Variants in CLVS1 observed in about 807,000 individuals in gnomAD.
CLVS1 encodes clavesin 1.
A neutral mutation model predicts 33.1 loss-of-function variants in CLVS1; 10 were observed. The ratio of observed to expected loss-of-function variants is 0.30; its 90% CI spans 0.19 to 0.51. The LOEUF (loss-of-function observed/expected upper bound fraction) is 0.51. Among genes scored for constraint, CLVS1 ranks in the 20% least tolerant of loss-of-function variants. CLVS1 has a pLI of 0.97. For missense variants in CLVS1, 343 were observed against 433.4 expected (o/e 0.79, Z 1.85); for synonymous variants, 163 against 166.1 (o/e 0.98, Z 0.14).
At chr8:61,127,048 C>T (rs377056867) in intron 1 of CLVS1, among the ~76,000 whole-genome samples, 31 of 152,090 alleles carry the variant, frequency 2.0e-4, no homozygotes, top group African/African-American at 7.0e-4. Flanking sequence ...GTGACTTTCC[C>T]ACAGTATAGG....
intron 2 of CLVS1, among the ~76,000 whole-genome samples, chr8:61,232,023 G>GTTTGTTTTTTTTTTTTTTTTTTTT: frequency 3.2e-5 from 2 of 62,656 alleles, no homozygotes; most frequent in Admixed American, 1.7e-4. Context: ...GAAAGTTGTG[G>GTTTGTTTTTTTTTTTTTTTTTTTT]TTTTTTTTTT....
the CLVS1 span, among the ~76,000 whole-genome samples, chr8:61,037,921 T>G: frequency 6.6e-6 from 1 of 151,980 alleles, no homozygotes; most frequent in Non-Finnish European, 1.5e-5. Flanking sequence ...TCTGGCAGGG[T>G]GGTCAGGGAG....
intron 2 of CLVS1, among the ~76,000 whole-genome samples, chr8:61,350,962 C>A (rs1399454171): frequency 6.6e-6 from 1 of 152,108 alleles, no homozygotes; most frequent in Non-Finnish European, 1.5e-5. Context: ...GGAATTGATA[C>A]ATGTCCTCAT....
chr8:61,402,780 C>A lies in CLVS1; in HGVS notation c.630+26001C>A, dbSNP rs371402592. Among the ~76,000 whole-genome samples, 3 of 152,142 alleles carry A rather than the reference C, an allele frequency of 2.0e-5. No individual in the cohort carries two copies. The East Asian group carries it at 5.8e-4, about 29-fold the overall frequency. ...AATCTATAACTTATTATTTATTCAGCAAATTCTTGTTGAAAACTATCACAG... is the reference window on the plus strand; with the variant it reads ...AATCTATAACTTATTATTTATTCAGAAAATTCTTGTTGAAAACTATCACAG... On this transcript the variant is annotated intron_variant, in intron 3 of 5. Transcript: ENST00000325897.
At chr8:61,480,539 G>A (rs1296427695) in intron 5 of CLVS1, among the ~76,000 whole-genome samples, 1 of 152,188 alleles carries the variant, frequency 6.6e-6, no homozygotes, top group Non-Finnish European at 1.5e-5. Flanking sequence ...CCCAGGTGAG[G>A]TGATGCCTCA....
At chr8:61,160,481 G>A (rs544939287) in intron 2 of CLVS1, among the ~76,000 whole-genome samples, 1 of 152,208 alleles carries the variant, frequency 6.6e-6, no homozygotes, top group African/African-American at 2.4e-5. Flanking sequence ...TTGCAGTCAA[G>A]ACTGCAGGAG....
intron 2 of CLVS1, among the ~76,000 whole-genome samples, chr8:61,350,382 G>A (rs1256421341): frequency 6.6e-6 from 1 of 152,108 alleles, no homozygotes; most frequent in African/African-American, 2.4e-5. Context: ...TCCCAAGTGA[G>A]CTATTTCTCT....
Position 61,162,487 on chromosome 8 carries a change from G to C in CLVS1, c.-152+30627G>C, listed in dbSNP as rs140391108. The stretch of plus-strand genomic sequence containing the variant: ...TAGGACTGAAAAACCAGCAAAAATG[G>C]GAAGAATTTCTTACCAGTCAGACTC... On this transcript the variant is annotated intron_variant, in intron 2 of 2. Coordinates refer to the CLVS1 transcript ENST00000522621. 2.2e-3 allele frequency among the ~76,000 whole-genome samples: 342 copies of C among 152,278 alleles called. 6 individuals carry two copies. In the East Asian group the frequency reaches 0.036, roughly 16 times the overall value.
intron 2 of CLVS1, among the ~76,000 whole-genome samples, chr8:61,238,331 C>A (rs1258486099): frequency 6.6e-6 from 1 of 151,920 alleles, no homozygotes; most frequent in Non-Finnish European, 1.5e-5. Flanking sequence ...CCCTCTCTTT[C>A]CCTCCCCTGC....
intron 2 of CLVS1, among the ~76,000 whole-genome samples, chr8:61,220,719 G>C (rs953499021): frequency 6.6e-6 from 1 of 151,996 alleles, no homozygotes; most frequent in Admixed American, 6.6e-5. Context: ...AGTTTGATGG[G>C]AATAGAATTG....
rs564813085 is a variant in CLVS1 at position 61,442,728 on chromosome 8, T to G, written c.631-11413T>G. 3.8e-4 allele frequency among the ~76,000 whole-genome samples: 58 copies of G among 152,202 alleles called. No homozygotes were observed. In the East Asian group the frequency reaches 0.011, roughly 29 times the overall value. The stretch of plus-strand genomic sequence containing the variant: ...GATTCTCCTGCCTCAGCCTCCTGAG[T>G]AGCTGGGATTACAGGCACACGCCAC... On this transcript the variant is annotated intron_variant, in intron 3 of 5. Coordinates refer to ENST00000325897, the MANE Select transcript of CLVS1 (RefSeq NM_173519.3).
chr8:61,432,260 T>C (rs1173887956), intron 3 of CLVS1, among the ~76,000 whole-genome samples: 1 of 152,290 alleles, frequency 6.6e-6, no homozygotes, highest in East Asian at 1.9e-4. Context: ...AGGGGTAAAA[T>C]CTTTGCTGGA....
chr8:61,128,157 A>G (rs1003353306), intron 1 of CLVS1, among the ~76,000 whole-genome samples: 1 of 152,216 alleles, frequency 6.6e-6, no homozygotes, highest in Non-Finnish European at 1.5e-5. Context: ...GTATGTGACC[A>G]TGTAAATCTA....
intron 2 of CLVS1, among the ~76,000 whole-genome samples, chr8:61,333,695 G>C (rs1016290276): frequency 6.6e-6 from 1 of 152,104 alleles, no homozygotes; most frequent in Non-Finnish European, 1.5e-5. Context: ...AGGCAAAAAG[G>C]GTTTGCTTTT....
At chr8:61,010,058 G>A in the CLVS1 span, among the ~76,000 whole-genome samples, 1 of 152,192 alleles carries the variant, frequency 6.6e-6, no homozygotes, top group Non-Finnish European at 1.5e-5. Flanking sequence ...GGAGGGAGTA[G>A]GGAATCAGTA....
intron 4 of CLVS1, among the ~76,000 whole-genome samples, chr8:61,456,797 A>G (rs1377450664): frequency 6.6e-6 from 1 of 151,814 alleles, no homozygotes; most frequent in Non-Finnish European, 1.5e-5. Context: ...AGGTGCCTGT[A>G]ATCCCAGCTA....
intron 2 of CLVS1, among the ~76,000 whole-genome samples, chr8:61,191,295 T>C (rs1053034657): frequency 2.0e-5 from 3 of 152,196 alleles, no homozygotes; most frequent in Non-Finnish European, 2.9e-5. Flanking sequence ...TCTCAATAGA[T>C]GCAGAAAAGG....
At chr8:61,323,835 T>A (rs989411651) in intron 2 of CLVS1, among the ~76,000 whole-genome samples, 1 of 152,080 alleles carries the variant, frequency 6.6e-6, no homozygotes, top group African/African-American at 2.4e-5. Context: ...TAGTCCCTAG[T>A]GTGTGTTTTT....
chr8:61,261,436 C>T (rs61671182), intron 2 of CLVS1, among the ~76,000 whole-genome samples: 41,191 of 152,042 alleles, frequency 0.27, 8,056 homozygotes, highest in East Asian at 0.85. Flanking sequence ...TTAGACATTG[C>T]CATTTGCCAC....
Sources: gnomAD v4.1 joint callset for allele counts (sites outside exome capture counted in the v4.1 genomes callset) on GRCh38, gnomAD v4.1.1 for gene constraint, MANE v1.5 for transcripts, NCBI Gene and HGNC (gene_info 2026-07-23, HGNC 2026-07-21) for gene names.